Variants in USP46 observed in about 807,000 individuals in gnomAD.
USP46 encodes the protein ubiquitin specific peptidase 46.
USP46 carries 12 observed loss-of-function variants against 44.4 expected under a neutral mutation model. The observed-to-expected ratio is 0.27, with a 90% CI of 0.17 to 0.44. USP46 has a LOEUF of 0.44. Among genes scored for constraint, USP46 ranks in the 20% least tolerant of loss-of-function variants. The pLI is 1.00. For synonymous variants in USP46, 155 were observed against 161.5 expected, an observed-to-expected ratio of 0.96 and a Z score of 0.31; for missense variants, 248 against 444.8, an observed-to-expected ratio of 0.56 and a Z score of 3.98.
chr4:52,627,431 A>G (rs1354227304), intron 3 of USP46, among the ~76,000 whole-genome samples: 1 of 152,214 alleles, frequency 6.6e-6, no homozygotes, highest in Non-Finnish European at 1.5e-5. Context: ...AAGATAGAAA[A>G]ACCAGAAAAA....
Position 52,631,109 on chromosome 4 carries a change from A to C in USP46, c.72T>G (p.Gly24=), listed in dbSNP as rs776946746. 1.9e-6 allele frequency: 3 copies of C among 1,567,446 alleles called. No homozygotes were observed. The highest frequency in any genetic ancestry group is 2.7e-5 in the African/African-American group (2 of 74,194). ...GTTCATTGATTGGAAACTGCTCTGG[A>C]CCAATGTCTTTTTCCAGAGCAGAGG... ...TNASALEKDI[G]PEQFPINEHY... Residue 24 remains glycine, a synonymous_variant, in exon 2 of 9, where the codon GGT becomes GGG. Coordinates refer to ENST00000441222, the MANE Select transcript of USP46 (RefSeq NM_022832.4).
Position 52,597,610 on chromosome 4 carries a change from C to T in USP46, c.*30G>A. 6.8e-7 allele frequency: 1 copy of T among 1,473,848 alleles called. No individual in the cohort carries two copies. 91.3% of individuals were successfully genotyped at this position (1,473,848 alleles called of 1,614,324 possible). A position where few individuals can be genotyped will look rare whatever the true frequency, so the allele number is the denominator to read the frequency against. ...GGTGACAGTGCTGTGAACATTCTCC[C>T]CACGTGAATCAGTCCCGCAGGTCTT... is the stretch of plus-strand genomic sequence containing the variant. On this transcript the variant is annotated 3_prime_UTR_variant, in exon 9 of 9. Transcript: ENST00000441222.
intron 3 of USP46, among the ~76,000 whole-genome samples, chr4:52,627,647 A>G (rs1717644456): frequency 6.6e-6 from 1 of 152,114 alleles, no homozygotes; most frequent in Non-Finnish European, 1.5e-5. Context: ...TGAGTATCCC[A>G]CTCCGAAGGC....
At chr4:52,630,749 AAAAAAAG>A (rs1717792359) in intron 2 of USP46, among the ~76,000 whole-genome samples, 1 of 151,976 alleles carries the variant, frequency 6.6e-6, no homozygotes. Context: ...AAAAAAAAAA[AAAAAAAG>A]AAAAAATCAG....
At chr4:52,643,458 T>A (rs991278470) in intron 1 of USP46, among the ~76,000 whole-genome samples, 5 of 152,176 alleles carry the variant, frequency 3.3e-5, no homozygotes, top group African/African-American at 1.2e-4. Flanking sequence ...TTCACAATAT[T>A]AACAGCAGAA....
intron 1 of USP46, among the ~76,000 whole-genome samples, chr4:52,658,636 C>G (rs1194284450): frequency 6.6e-6 from 1 of 152,240 alleles, no homozygotes; most frequent in Non-Finnish European, 1.5e-5. Flanking sequence ...CCGATTTCTC[C>G]AGATACACAA....
intron 1 of USP46, among the ~76,000 whole-genome samples, chr4:52,644,529 T>C (rs571746338): frequency 2.6e-5 from 4 of 152,144 alleles, no homozygotes; most frequent in South Asian, 2.1e-4. Flanking sequence ...TAGATTCTCA[T>C]AGGAGAGTGA....
intron 4 of USP46, among the ~76,000 whole-genome samples, chr4:52,611,674 G>A (rs1364328517): frequency 2.6e-5 from 4 of 152,122 alleles, no homozygotes; most frequent in Non-Finnish European, 5.9e-5. Flanking sequence ...ATCACTTGAG[G>A]TCAGGAGTTC....
At position 52,657,553 on chromosome 4, in the gene USP46, G is replaced by C. The variant is rs57490243; in HGVS notation, c.36+1562C>G. 6.3e-3 allele frequency among the ~76,000 whole-genome samples: 955 copies of C among 152,284 alleles called. 1 individual carries two copies. The highest frequency in any genetic ancestry group is 0.018 in the African/African-American group (748 of 41,558). ...CCTTAGGCCTGCGGCCACACCAACAGACATAAAAGAGTATTCAAGCTGCTC... is the reference window on the plus strand; with the variant it reads ...CCTTAGGCCTGCGGCCACACCAACACACATAAAAGAGTATTCAAGCTGCTC... On this transcript the variant is annotated intron_variant, in intron 1 of 8. Transcript: ENST00000441222.
intron 1 of USP46, among the ~76,000 whole-genome samples, chr4:52,635,544 C>T (rs567070736): frequency 6.6e-6 from 1 of 152,262 alleles, no homozygotes; most frequent in East Asian, 1.9e-4. Flanking sequence ...ACTGGCCTTC[C>T]ACTCAACAGA....
chr4:52,626,839 G>A (rs2109630080), intron 3 of USP46, among the ~76,000 whole-genome samples: 1 of 152,246 alleles, frequency 6.6e-6, no homozygotes, highest in South Asian at 2.1e-4. Flanking sequence ...AGGAACAGAA[G>A]TTATCAGATA....
In USP46 at chr4:52,591,139, G is replaced by A. The variant is rs576188835; in HGVS notation, c.*6501C>T. ...AGTACAGAGCTATCACCTGCTGCAG[G>A]AGGTGTGAAGGCTCATTCTTAAAGT... is the stretch of plus-strand genomic sequence containing the variant. On this transcript the variant is annotated 3_prime_UTR_variant, in exon 9 of 9. Transcript: ENST00000441222. 6.6e-6 allele frequency: 1 copy of A among 152,282 alleles called. No homozygotes were observed. The highest frequency in any genetic ancestry group is 1.9e-4 in the East Asian group (1 of 5,184). 9.4% of individuals were successfully genotyped at this position (152,282 alleles called of 1,614,324 possible). A position where few individuals can be genotyped will look rare whatever the true frequency, so the allele number is the denominator to read the frequency against.
intron 6 of USP46, 79 bp from the exon 7 acceptor site, chr4:52,602,133 A>G (rs1359710360): frequency 1.4e-6 from 2 of 1,471,746 alleles, no homozygotes; most frequent in African/African-American, 1.4e-5. Flanking sequence ...CTGCACAAAC[A>G]GAATAGTAGG....
chr4:52,645,740 T>TCC (rs1718529832), intron 1 of USP46, among the ~76,000 whole-genome samples: 3 of 152,124 alleles, frequency 2.0e-5, no homozygotes, highest in Admixed American at 2.0e-4. Context: ...CTTGATATGG[T>TCC]TTGGCTCTGT....
chr4:52,599,450 G>A (rs1716373041), intron 7 of USP46, among the ~76,000 whole-genome samples: 2 of 152,108 alleles, frequency 1.3e-5, no homozygotes. Context: ...GGGGCTGAGG[G>A]GCAGGCGCAG....
In USP46 at chr4:52,592,078, G is replaced by A. The variant is rs1388686530; in HGVS notation, c.*5562C>T. 1 of 152,190 alleles carries A rather than the reference G, an allele frequency of 6.6e-6. No individual in the cohort carries two copies. Among genetic ancestry groups the A allele is most frequent in the Non-Finnish European group, 1.5e-5 (1 of 68,032 alleles). 9.4% of individuals were successfully genotyped at this position (152,190 alleles called of 1,614,324 possible). ...ACAGTGCCATCTGCATGTTGAGGCT[G>A]GGGCTGAATACCAAACTGTGCTGAA... On this transcript the variant is annotated 3_prime_UTR_variant, in exon 9 of 9. Transcript: ENST00000441222.
intron 5 of USP46, among the ~76,000 whole-genome samples, chr4:52,608,257 C>G (rs1285970448): frequency 6.6e-6 from 1 of 152,228 alleles, no homozygotes; most frequent in South Asian, 2.1e-4. Flanking sequence ...ACACAGCTAT[C>G]GTGTCCAAGT....
At chr4:52,610,428 G>A (rs1201996427) in intron 5 of USP46, 113 bp downstream of exon 5, 2 of 882,508 alleles carry the variant, frequency 2.3e-6, no homozygotes, top group Non-Finnish European at 3.5e-6. Context: ...AAAATAATAG[G>A]ATCATATTGG....
chr4:52,640,826 A>T (rs1369671847), intron 1 of USP46, among the ~76,000 whole-genome samples: 1 of 151,740 alleles, frequency 6.6e-6, no homozygotes. Flanking sequence ...AAAAAAAATT[A>T]ACAAATTTTT....
Sources: gnomAD v4.1 joint callset for allele counts (sites outside exome capture counted in the v4.1 genomes callset) on GRCh38, gnomAD v4.1.1 for gene constraint, MANE v1.5 for transcripts, NCBI Gene and HGNC (gene_info 2026-07-23, HGNC 2026-07-21) for gene names.